Variants in HIBCH observed in about 807,000 individuals in gnomAD.
HIBCH encodes the protein 3-hydroxyisobutyryl-CoA hydrolase, mitochondrial.
A neutral mutation model predicts 58.2 loss-of-function variants in HIBCH; 50 were observed. That is an observed-to-expected ratio of 0.86 (90% CI 0.68 to 1.09). The LOEUF is 1.09. Among genes scored for constraint, HIBCH ranks in the 50% least tolerant of loss-of-function variants. The pLI is 0.00. For synonymous variants in HIBCH, 151 were observed against 146.9 expected, an observed-to-expected ratio of 1.03 and a Z score of -0.20; for missense variants, 450 against 449.7, an observed-to-expected ratio of 1.00 and a Z score of -0.01.
intron 1 of HIBCH, among the ~76,000 whole-genome samples, chr2:190,317,328 G>A (rs1045377757): frequency 6.6e-6 from 1 of 152,168 alleles, no homozygotes; most frequent in Non-Finnish European, 1.5e-5. Context: ...GTCTAATTAT[G>A]TGTTTCCTAT....
At chr2:190,260,253 C>T (rs1474034629) in intron 7 of HIBCH, 2 of 152,020 alleles carry the variant, frequency 1.3e-5, no homozygotes, top group African/African-American at 4.8e-5. Flanking sequence ...AAGGTAAATA[C>T]AAAAATCAAC....
intron 11 of HIBCH, among the ~76,000 whole-genome samples, chr2:190,223,184 G>T (rs566655874): frequency 2.0e-5 from 3 of 152,264 alleles, no homozygotes; most frequent in East Asian, 3.9e-4. Flanking sequence ...ACAGGTTGAT[G>T]GGTGCAGCAA....
At chr2:190,220,980 A>C (rs1351364849) in intron 11 of HIBCH, among the ~76,000 whole-genome samples, 3 of 152,100 alleles carry the variant, frequency 2.0e-5, no homozygotes, top group African/African-American at 7.2e-5. Flanking sequence ...TTTCTATGTA[A>C]CCTGGATTTC....
intron 2 of HIBCH, among the ~76,000 whole-genome samples, chr2:190,310,091 G>A (rs544630608): frequency 2.0e-5 from 3 of 152,190 alleles, no homozygotes; most frequent in African/African-American, 4.8e-5. Flanking sequence ...ATCTTTCTCC[G>A]GCACTGGATG....
intron 1 of HIBCH, among the ~76,000 whole-genome samples, chr2:190,314,918 CT>C (rs1238109839): frequency 7.9e-5 from 12 of 151,560 alleles, no homozygotes; most frequent in African/African-American, 2.9e-4. Context: ...AAACTGCCAT[CT>C]GGTGGAGAGG....
chr2:190,224,664 A>T lies in HIBCH; in HGVS notation c.892-11589T>A, dbSNP rs139012842. Among the ~76,000 whole-genome samples the T allele has an allele frequency of 6.0e-3, 911 of 152,326 alleles. 5 individuals are homozygous for T. Among genetic ancestry groups the T allele is most frequent in the African/African-American group, 0.021 (863 of 41,568 alleles). On this transcript the variant is annotated intron_variant, in intron 11 of 13. Coordinates refer to ENST00000359678, the MANE Select transcript of HIBCH (RefSeq NM_014362.4). ...TCCTTACAGACCTGCAAAGAGACTC[A>T]GACTCCCACACAATAATAATGGGAG... is the stretch of plus-strand genomic sequence containing the variant.
At chr2:190,293,309 A>G (rs940106529) in intron 4 of HIBCH, among the ~76,000 whole-genome samples, 1 of 151,762 alleles carries the variant, frequency 6.6e-6, no homozygotes, top group African/African-American at 2.4e-5. Flanking sequence ...AAAAATTAGC[A>G]GGGCATGTTG....
chr2:190,198,535 G>C (rs1690083729), intron 1 of HIBCH, among the ~76,000 whole-genome samples: 1 of 150,596 alleles, frequency 6.6e-6, no homozygotes, highest in Admixed American at 6.7e-5. Flanking sequence ...AGTGGGCTGA[G>C]GTGGAAGGAT....
chr2:190,255,580 C>T (rs996078406), intron 7 of HIBCH, among the ~76,000 whole-genome samples: 3 of 152,158 alleles, frequency 2.0e-5, no homozygotes, highest in African/African-American at 7.2e-5. Context: ...CACTGAACAT[C>T]AAGCAATAAA....
chr2:190,258,957 C>T (rs1354371836), intron 7 of HIBCH, among the ~76,000 whole-genome samples: 1 of 152,128 alleles, frequency 6.6e-6, no homozygotes, highest in Non-Finnish European at 1.5e-5. Flanking sequence ...TCTGGGCTTG[C>T]TATTCTTTTC....
At chr2:190,230,687 T>C (rs1382934258) in intron 11 of HIBCH, among the ~76,000 whole-genome samples, 1 of 152,152 alleles carries the variant, frequency 6.6e-6, no homozygotes, top group Non-Finnish European at 1.5e-5. Flanking sequence ...AGAGCAAGAC[T>C]CAGTCTCAAA....
At position 190,279,238 on chromosome 2, in the gene HIBCH, G is replaced by A. The variant is rs532592584; in HGVS notation, c.438+8348C>T. Among the ~76,000 whole-genome samples the A allele has an allele frequency of 3.3e-5, 5 of 152,166 alleles. No individual in the cohort carries two copies. The South Asian group carries it at 1.0e-3, about 32-fold the overall frequency. On this transcript the variant is annotated intron_variant, in intron 6 of 13. Transcript: ENST00000359678. The surrounding 1 kb of genome is among the most constrained non-coding windows in gnomAD (Gnocchi z 4.2). Reference sequence around the variant, plus strand: ...ATGGATCAAACTACTCTACCCTCATGACCCCATCACCTCTTGAAGGCCTCA... The same window carrying A: ...ATGGATCAAACTACTCTACCCTCATAACCCCATCACCTCTTGAAGGCCTCA...
intron 11 of HIBCH, among the ~76,000 whole-genome samples, chr2:190,237,842 C>T (rs1686325348): frequency 6.6e-6 from 1 of 151,790 alleles, no homozygotes; most frequent in Non-Finnish European, 1.5e-5. Context: ...CCTGATGGGC[C>T]CCAGTGTGTG....
intron 1 of HIBCH, among the ~76,000 whole-genome samples, chr2:190,192,452 C>CTGTG (rs147936734): frequency 0.18 from 25,961 of 145,150 alleles, 2,377 homozygotes; most frequent in Non-Finnish European, 0.23. Flanking sequence ...AATTCAGAAT[C>CTGTG]TGTGTGTGTG....
chr2:190,230,344 CA>C (rs1193782969), intron 11 of HIBCH, among the ~76,000 whole-genome samples: 7 of 152,172 alleles, frequency 4.6e-5, no homozygotes, highest in Non-Finnish European at 8.8e-5. Context: ...CCACAGACAT[CA>C]AAAGATATTA....
At chr2:190,259,319 A>ATATGTGTGTG (rs1356514373) in intron 7 of HIBCH, among the ~76,000 whole-genome samples, 2 of 122,116 alleles carry the variant, frequency 1.6e-5, no homozygotes, top group Admixed American at 1.8e-4. Context: ...CAGTATACAG[A>ATATGTGTGTG]TGTGTGTGTG....
downstream of HIBCH, chr2:190,199,856 A>G (rs767341991): frequency 1.9e-6 from 3 of 1,612,258 alleles, no homozygotes; most frequent in African/African-American, 2.7e-5. Flanking sequence ...ACAGCTCTTC[A>G]TAACATGGGC....
At chr2:190,190,300 A>G (rs1188541795) in intron 1 of HIBCH, among the ~76,000 whole-genome samples, 3 of 152,216 alleles carry the variant, frequency 2.0e-5, no homozygotes, top group African/African-American at 7.2e-5. Context: ...CAATCTTGAA[A>G]TTCATATAAA....
At chr2:190,201,765 T>C (rs1405491974), downstream of HIBCH, 1 of 167,032 alleles carries the variant, frequency 6.0e-6, no homozygotes, top group African/African-American at 2.4e-5. Flanking sequence ...CTACAATTTA[T>C]ATAATAGAAA....
Sources: gnomAD v4.1 joint callset for allele counts (sites outside exome capture counted in the v4.1 genomes callset) on GRCh38, gnomAD v4.1.1 for gene constraint, Gnocchi (gnomAD v3.1) non-coding constraint, MANE v1.5 for transcripts, NCBI Gene and HGNC (gene_info 2026-07-23, HGNC 2026-07-21) for gene names.